Variants in REDIC1 observed in about 807,000 individuals in gnomAD.
REDIC1 encodes regulator of DNA class I crossover intermediates 1, also known as HEI10 Interacting Protein 1.
At chr12:39,830,212 T>C in the REDIC1 span, 5 of 1,613,102 alleles carry the variant, frequency 3.1e-6, no homozygotes, top group Non-Finnish European at 3.4e-6. Flanking sequence ...GGATCCAACA[T>C]ACATTCATTA....
chr12:39,808,996 A>G, the REDIC1 span, among the ~76,000 whole-genome samples: 4 of 152,060 alleles, frequency 2.6e-5, no homozygotes, highest in African/African-American at 9.7e-5. Context: ...CTGATGTCGC[A>G]AAGATTTCCT....
chr12:39,636,778 TACTG>T, the REDIC1 span, among the ~76,000 whole-genome samples: 1 of 152,046 alleles, frequency 6.6e-6, no homozygotes, highest in South Asian at 2.1e-4. Context: ...AACAAGTTAA[TACTG>T]ACAGTATATG....
the REDIC1 span, among the ~76,000 whole-genome samples, chr12:39,714,798 A>T: frequency 1.7e-4 from 26 of 151,734 alleles, no homozygotes; most frequent in African/African-American, 5.8e-4. Context: ...TTTGATTTGC[A>T]TTTCCCTGGT....
the REDIC1 span, among the ~76,000 whole-genome samples, chr12:39,638,028 G>A: frequency 6.6e-6 from 1 of 151,918 alleles, no homozygotes; most frequent in Non-Finnish European, 1.5e-5. Context: ...TGGTGTATCT[G>A]TCTACCACCT....
the REDIC1 span, among the ~76,000 whole-genome samples, chr12:39,749,855 G>T: frequency 1.3e-5 from 2 of 152,090 alleles, no homozygotes; most frequent in African/African-American, 2.4e-5. Flanking sequence ...AGGCCTTTGA[G>T]AAAATTCAAC....
chr12:39,660,492 A>G, the REDIC1 span, among the ~76,000 whole-genome samples: 1 of 151,708 alleles, frequency 6.6e-6, no homozygotes, highest in African/African-American at 2.4e-5. Flanking sequence ...TTGTCCATAT[A>G]TTTTGTTCTT....
the REDIC1 span, among the ~76,000 whole-genome samples, chr12:39,715,035 G>C: frequency 6.6e-6 from 1 of 151,884 alleles, no homozygotes; most frequent in Non-Finnish European, 1.5e-5. Context: ...TTTTCTGACT[G>C]TTCCTTTTGC....
At chr12:39,839,364 TA>T in the REDIC1 span, among the ~76,000 whole-genome samples, 6 of 151,408 alleles carry the variant, frequency 4.0e-5, no homozygotes, top group East Asian at 3.9e-4. Flanking sequence ...CTCATGAGAA[TA>T]AAAAAAAATC....
At chr12:39,879,198 C>T in the REDIC1 span, among the ~76,000 whole-genome samples, 1 of 152,360 alleles carries the variant, frequency 6.6e-6, no homozygotes, top group South Asian at 2.1e-4. Flanking sequence ...CTGGCAGAAG[C>T]CTGCTGCAGG....
chr12:39,735,698 C>A, the REDIC1 span, among the ~76,000 whole-genome samples: 2 of 152,160 alleles, frequency 1.3e-5, no homozygotes, highest in Non-Finnish European at 2.9e-5. Context: ...ATTGTACAAC[C>A]CTTTGCAAAG....
the REDIC1 span, chr12:39,650,088 C>T: frequency 8.9e-6 from 7 of 790,766 alleles, no homozygotes; most frequent in African/African-American, 1.1e-4. This position sits in a 1 kb window ranked among gnomAD's most constrained non-coding sequence, Gnocchi z 4.3. Flanking sequence ...ATTTTGTTTT[C>T]AATAAGTAGT....
the REDIC1 span, among the ~76,000 whole-genome samples, chr12:39,879,074 GC>G: frequency 7.2e-5 from 11 of 152,394 alleles, no homozygotes; most frequent in African/African-American, 2.4e-4. Context: ...CAAGGCATAA[GC>G]CTTGCTGTCT....
the REDIC1 span, among the ~76,000 whole-genome samples, chr12:39,669,652 T>A: frequency 6.6e-6 from 1 of 152,170 alleles, no homozygotes; most frequent in African/African-American, 2.4e-5. Context: ...CCCCCAGAGG[T>A]GGAGTCTACA....
At chr12:39,640,600 AAAG>A in the REDIC1 span, among the ~76,000 whole-genome samples, 272 of 152,070 alleles carry the variant, frequency 1.8e-3, no homozygotes, top group African/African-American at 6.0e-3. Flanking sequence ...ATACAAAGAA[AAAG>A]AAGAATGTTG....
chr12:39,712,955 A>G, the REDIC1 span, among the ~76,000 whole-genome samples: 24 of 143,402 alleles, frequency 1.7e-4, no homozygotes, highest in African/African-American at 2.3e-4. Flanking sequence ...ATATACATAT[A>G]TGCATATACG....
chr12:39,635,088 A>G, the REDIC1 span, among the ~76,000 whole-genome samples: 17 of 152,314 alleles, frequency 1.1e-4, no homozygotes, highest in East Asian at 1.3e-3. Context: ...CAAAACCACA[A>G]TGGGATACCA....
chr12:39,683,064 G>A, the REDIC1 span: 2 of 1,612,818 alleles, frequency 1.2e-6, no homozygotes, highest in South Asian at 1.1e-5. Context: ...ATCAGAGAGA[G>A]TATAACAAAA....
the REDIC1 span, among the ~76,000 whole-genome samples, chr12:39,762,162 C>G: frequency 6.6e-6 from 1 of 152,022 alleles, no homozygotes; most frequent in Non-Finnish European, 1.5e-5. Context: ...GTGGCTAAGT[C>G]GTGGAGGAGT....
At chr12:39,881,929 C>T in the REDIC1 span, among the ~76,000 whole-genome samples, 1 of 152,046 alleles carries the variant, frequency 6.6e-6, no homozygotes, top group East Asian at 1.9e-4. Context: ...GTGACAGTGG[C>T]ATCAACATGG....
Sources: gnomAD v4.1 joint callset for allele counts (sites outside exome capture counted in the v4.1 genomes callset) on GRCh38, gnomAD v4.1.1 for gene constraint, Gnocchi (gnomAD v3.1) non-coding constraint, MANE v1.5 for transcripts, NCBI Gene and HGNC (gene_info 2026-07-23, HGNC 2026-07-21) for gene names.